The following TMEFF1 variants were observed in gnomAD, a reference collection of about 807,000 sequenced individuals.
TMEFF1 encodes the protein transmembrane protein with EGF like and two follistatin like domains 1, also known as tomoregulin-1.
Under a neutral mutation model 47.5 loss-of-function variants are expected in TMEFF1, and 20 were observed. The observed-to-expected ratio is 0.42, with a 90% CI of 0.30 to 0.61. The LOEUF (loss-of-function observed/expected upper bound fraction) is 0.61, where lower values mean the gene tolerates loss of function less well. Among genes scored for constraint, TMEFF1 ranks in the 20% least tolerant of loss-of-function variants. The probability of loss-of-function intolerance (pLI) is 0.19; values close to 1 mark genes in which losing one functional copy is unlikely to be tolerated. For missense variants in TMEFF1, 411 were observed against 471.1 expected, an observed-to-expected ratio of 0.87 and a Z score of 1.18; for synonymous variants, 162 against 166.3, an observed-to-expected ratio of 0.97 and a Z score of 0.20.
chr9:100,563,682 T>C (rs1049309003), intron 8 of TMEFF1, among the ~76,000 whole-genome samples: 29 of 152,242 alleles, frequency 1.9e-4, no homozygotes, highest in African/African-American at 6.3e-4. Context: ...ACTTAATGAA[T>C]AGCAATTGAT....
Position 100,547,724 on chromosome 9 carries a change from A to T in TMEFF1, c.561-20A>T, listed in dbSNP as rs768094342. 1.4e-6 allele frequency: 2 copies of T among 1,475,932 alleles called. No homozygotes were observed. Among genetic ancestry groups the T allele is most frequent in the East Asian group, 5.1e-5 (2 of 39,096 alleles). 91.4% of individuals were successfully genotyped at this position (1,475,932 alleles called of 1,614,324 possible). A position where few individuals can be genotyped will look rare whatever the true frequency, so the allele number is the denominator to read the frequency against. On this transcript the variant is annotated intron_variant, in intron 5 of 9. Transcript: ENST00000374879. ...ATATTTTTGTTGTAAAATATAGGTA[A>T]TTTTTGTCTTTTCCAACAGGTGTGT...
chr9:100,540,514 A>C (rs1328462262), intron 5 of TMEFF1, among the ~76,000 whole-genome samples: 4 of 146,192 alleles, frequency 2.7e-5, no homozygotes, highest in African/African-American at 5.0e-5. Flanking sequence ...CCCCCTCCCC[A>C]CCTCCCCGCT....
intron 8 of TMEFF1, among the ~76,000 whole-genome samples, chr9:100,564,876 G>A (rs1839091754): frequency 1.3e-5 from 2 of 152,182 alleles, no homozygotes; most frequent in East Asian, 1.9e-4. Flanking sequence ...TCATTAGGTG[G>A]TTGAACTCAC....
chr9:100,542,694 C>A (rs1256144054), intron 5 of TMEFF1, among the ~76,000 whole-genome samples: 1 of 152,078 alleles, frequency 6.6e-6, no homozygotes, highest in Non-Finnish European at 1.5e-5. Context: ...TTAAAATATT[C>A]TTTTTCTCAT....
intron 5 of TMEFF1, among the ~76,000 whole-genome samples, chr9:100,535,596 C>T (rs955723133): frequency 1.3e-5 from 2 of 152,212 alleles, no homozygotes; most frequent in Non-Finnish European, 2.9e-5. Context: ...CATGGCCAAA[C>T]CCTGCCTCTA....
intron 5 of TMEFF1, among the ~76,000 whole-genome samples, chr9:100,522,151 A>G (rs1838172528): frequency 6.6e-6 from 1 of 152,170 alleles, no homozygotes; most frequent in Non-Finnish European, 1.5e-5. Flanking sequence ...AGCTTCATGT[A>G]CTTTTTAAAA....
chr9:100,511,483 G>T (rs928683967), intron 3 of TMEFF1, among the ~76,000 whole-genome samples: 1 of 152,222 alleles, frequency 6.6e-6, no homozygotes, highest in South Asian at 2.1e-4. Context: ...AGGATTGAAT[G>T]AGCAAAGTTA....
At chr9:100,479,140 T>C (rs1178318931) in intron 1 of TMEFF1, among the ~76,000 whole-genome samples, 2 of 152,170 alleles carry the variant, frequency 1.3e-5, no homozygotes, top group Non-Finnish European at 2.9e-5. Context: ...ATCTTCTAGA[T>C]CCCTGTTGTG....
At chr9:100,484,834 C>T (rs906759292) in intron 1 of TMEFF1, among the ~76,000 whole-genome samples, 2 of 151,192 alleles carry the variant, frequency 1.3e-5, no homozygotes, top group South Asian at 2.1e-4. Context: ...CCTGTCACTG[C>T]GCCTGGCTAA....
At chr9:100,502,839 T>C (rs1346867031) in intron 2 of TMEFF1, among the ~76,000 whole-genome samples, 2 of 152,256 alleles carry the variant, frequency 1.3e-5, no homozygotes, top group East Asian at 1.9e-4. Flanking sequence ...ATGTTGGGAG[T>C]TGACACCATT....
chr9:100,559,646 C>A (rs2118542317), intron 7 of TMEFF1, among the ~76,000 whole-genome samples: 1 of 152,090 alleles, frequency 6.6e-6, no homozygotes, highest in East Asian at 1.9e-4. Flanking sequence ...TTTTTAAAAT[C>A]TGGGCTACTA....
chr9:100,534,013 G>A (rs1396852379), intron 5 of TMEFF1, among the ~76,000 whole-genome samples: 3 of 152,112 alleles, frequency 2.0e-5, no homozygotes, highest in Non-Finnish European at 4.4e-5. Context: ...CACCACTCCC[G>A]GCCTTTATCT....
intron 5 of TMEFF1, among the ~76,000 whole-genome samples, chr9:100,521,341 T>G (rs1838156651): frequency 6.6e-6 from 1 of 152,206 alleles, no homozygotes; most frequent in Non-Finnish European, 1.5e-5. Flanking sequence ...GACAGTTATG[T>G]TCGTTAATGC....
chr9:100,525,274 A>G (rs866376252), intron 5 of TMEFF1, among the ~76,000 whole-genome samples: 3 of 152,298 alleles, frequency 2.0e-5, no homozygotes, highest in African/African-American at 7.2e-5. Flanking sequence ...TTAAGGACTC[A>G]GTCCCATAAG....
chr9:100,546,843 G>C (rs1285466628), intron 5 of TMEFF1, among the ~76,000 whole-genome samples: 1 of 152,072 alleles, frequency 6.6e-6, no homozygotes, highest in Non-Finnish European at 1.5e-5. Context: ...CTATTCTTGA[G>C]GGGAGTAATC....
chr9:100,529,937 T>A (rs1838343787), intron 5 of TMEFF1, among the ~76,000 whole-genome samples: 2 of 152,036 alleles, frequency 1.3e-5, no homozygotes, highest in Admixed American at 1.3e-4. Context: ...GGATTAAGAA[T>A]CTCACTCAAA....
chr9:100,560,157 G>A (rs533527467), intron 7 of TMEFF1, among the ~76,000 whole-genome samples: 1 of 151,844 alleles, frequency 6.6e-6, no homozygotes, highest in Middle Eastern at 3.4e-3. Flanking sequence ...CCTTTTATTT[G>A]TATTTTGGGG....
At chr9:100,510,911 T>C (rs199634916) in intron 3 of TMEFF1, among the ~76,000 whole-genome samples, 133 of 152,308 alleles carry the variant, frequency 8.7e-4, no homozygotes, top group Non-Finnish European at 1.4e-3. Flanking sequence ...CTTTCTAGTG[T>C]AACCAGCCCC....
intron 5 of TMEFF1, among the ~76,000 whole-genome samples, chr9:100,532,463 T>C (rs1838404281): frequency 6.6e-6 from 1 of 152,170 alleles, no homozygotes; most frequent in Admixed American, 6.6e-5. Context: ...AAGACATTTA[T>C]GCAGCCAAAA....
Sources: allele counts gnomAD v4.1 joint callset (sites outside exome capture counted in the v4.1 genomes callset), GRCh38; gene constraint gnomAD v4.1.1; transcripts MANE v1.5; gene names NCBI Gene and HGNC (gene_info 2026-07-23, HGNC 2026-07-21).